BRINP2: variants seen among roughly 807,000 people sequenced by gnomAD.
BRINP2 encodes BMP/retinoic acid inducible neural specific 2, also known as BMP/retinoic acid-inducible neural-specific protein 2.
Under a neutral mutation model 69.2 loss-of-function variants are expected in BRINP2, and 21 were observed. That is an observed-to-expected ratio of 0.30 (90% CI 0.22 to 0.44). The LOEUF (loss-of-function observed/expected upper bound fraction) is 0.44, where lower values mean the gene tolerates loss of function less well. BRINP2 is among the 20% of genes least tolerant of loss of function. BRINP2 has a pLI of 1.00. For synonymous variants in BRINP2, 380 were observed against 394.1 expected, an observed-to-expected ratio of 0.96 and a Z score of 0.42; for missense variants, 877 against 986.0, an observed-to-expected ratio of 0.89 and a Z score of 1.48.
intron 2 of BRINP2, among the ~76,000 whole-genome samples, chr1:177,237,119 A>T (rs562389433): frequency 1.3e-5 from 2 of 152,304 alleles, no homozygotes; most frequent in South Asian, 4.1e-4. Flanking sequence ...CTGTTAGACT[A>T]CTGGTTCAAA....
chr1:177,196,979 A>G (rs1648766167), intron 1 of BRINP2, among the ~76,000 whole-genome samples: 1 of 152,122 alleles, frequency 6.6e-6, no homozygotes, highest in Non-Finnish European at 1.5e-5. Flanking sequence ...CCACATCTCA[A>G]ACGTGACTGT....
intron 2 of BRINP2, among the ~76,000 whole-genome samples, chr1:177,242,644 C>A (rs1020499709): frequency 6.6e-6 from 1 of 152,150 alleles, no homozygotes; most frequent in African/African-American, 2.4e-5. Flanking sequence ...CATATTTTTA[C>A]CATACGAACT....
At chr1:177,213,646 T>C (rs1649290839) in intron 1 of BRINP2, among the ~76,000 whole-genome samples, 1 of 152,218 alleles carries the variant, frequency 6.6e-6, no homozygotes, top group Admixed American at 6.5e-5. Flanking sequence ...GATTTGAACC[T>C]CTATTATCAC....
At chr1:177,212,103 AGATAGAT>A (rs1161857954) in intron 1 of BRINP2, among the ~76,000 whole-genome samples, 3 of 143,696 alleles carry the variant, frequency 2.1e-5, no homozygotes, top group African/African-American at 7.6e-5. Context: ...ATAGATAGAT[AGATAGAT>A]GATAGATAAA....
At position 177,274,228 on chromosome 1, in the gene BRINP2, G is replaced by A. The variant is rs1453641744; in HGVS notation, c.775+635G>A. ...AAAGAAAACCACACTAACCCTGGAG[G>A]CTGAGGGCTAAGGGGAGACGTGCAT... On this transcript the variant is annotated intron_variant, in intron 5 of 7. Coordinates refer to ENST00000361539, the MANE Select transcript of BRINP2 (RefSeq NM_021165.4). Among the ~76,000 whole-genome samples the A allele has an allele frequency of 2.0e-5, 3 of 152,228 alleles. No homozygotes were observed. The South Asian group carries it at 6.2e-4, about 32-fold the overall frequency.
At chr1:177,275,157 T>A (rs1323645074) in intron 5 of BRINP2, 3 of 456,172 alleles carry the variant, frequency 6.6e-6, no homozygotes, top group Non-Finnish European at 1.3e-5. Flanking sequence ...TCCAAAGGCA[T>A]GCCTACCCTT....
chr1:177,248,520 T>TA (rs1162886935), intron 2 of BRINP2, among the ~76,000 whole-genome samples: 1 of 151,538 alleles, frequency 6.6e-6, no homozygotes, highest in Non-Finnish European at 1.5e-5. Context: ...TATTTTTTTT[T>TA]AATACTCTCC....
chr1:177,187,391 C>T (rs12564343), intron 1 of BRINP2, among the ~76,000 whole-genome samples: 20,257 of 152,106 alleles, frequency 0.13, 2,462 homozygotes, highest in African/African-American at 0.32. Context: ...TTGCTCTAGA[C>T]CCAGACCTTT....
chr1:177,277,157 TTA>T (rs143141500), intron 6 of BRINP2, among the ~76,000 whole-genome samples: 6 of 151,594 alleles, frequency 4.0e-5, no homozygotes, highest in South Asian at 2.1e-4. Flanking sequence ...AAAGGTTACA[TTA>T]TATATATATT....
chr1:177,202,725 A>T (rs1648951397), intron 1 of BRINP2, among the ~76,000 whole-genome samples: 1 of 152,198 alleles, frequency 6.6e-6, no homozygotes, highest in Admixed American at 6.5e-5. Context: ...CACATGAAAA[A>T]ATGCTCATCA....
intron 1 of BRINP2, among the ~76,000 whole-genome samples, chr1:177,213,158 T>G (rs1649278056): frequency 6.6e-6 from 1 of 152,182 alleles, no homozygotes; most frequent in East Asian, 1.9e-4. Context: ...TCTAAAGAGT[T>G]GGTCTTACAT....
chr1:177,192,624 A>C (rs893734109), intron 1 of BRINP2, among the ~76,000 whole-genome samples: 1 of 152,170 alleles, frequency 6.6e-6, no homozygotes, highest in African/African-American at 2.4e-5. Context: ...ATGAGTTTCA[A>C]CTTTTATTAC....
rs1353223092 is a variant in BRINP2 at position 177,257,270 on chromosome 1, C to G, written c.555C>G (p.Asn185Lys). 2 of 1,614,090 alleles carry G rather than the reference C, an allele frequency of 1.2e-6. No individual in the cohort carries two copies. Among genetic ancestry groups the G allele is most frequent in the Admixed American group, 1.7e-5 (1 of 60,010 alleles). Residue 185 changes from asparagine to lysine, a missense_variant, in exon 4 of 8, where the codon AAC (asparagine) becomes AAG (lysine). Physicochemically the swap from Asn to Lys is moderately conservative, Grantham distance 94. Transcript: ENST00000361539. ...GGASIIGGSG[N>K]STAVSLETLH... ...CCTCTATAATCGGGGGCAGTGGGAA[C>G]AGCACAGCTGTGTCCCTGGAGACCC... is the stretch of plus-strand genomic sequence containing the variant.
intron 1 of BRINP2, among the ~76,000 whole-genome samples, chr1:177,182,996 G>A (rs1402679262): frequency 6.7e-6 from 1 of 149,572 alleles, no homozygotes; most frequent in East Asian, 2.0e-4. Context: ...TTTTTGCCCT[G>A]TCTCAAACTC....
chr1:177,263,377 A>G (rs1366995519), intron 4 of BRINP2, among the ~76,000 whole-genome samples: 1 of 152,214 alleles, frequency 6.6e-6, no homozygotes. Context: ...GTGGGTGCTA[A>G]GAGTCCAGTG....
At chr1:177,248,444 T>C (rs112501736) in intron 2 of BRINP2, among the ~76,000 whole-genome samples, 4 of 151,166 alleles carry the variant, frequency 2.6e-5, no homozygotes, top group Non-Finnish European at 4.4e-5. Context: ...TTTGTGTGTG[T>C]GTGTGTGTGT....
rs76455872 is a variant in BRINP2 at position 177,173,042 on chromosome 1, G to A, written c.-77+1310G>A. 3.8e-3 allele frequency among the ~76,000 whole-genome samples: 571 copies of A among 151,348 alleles called. 6 individuals carry two copies. The highest frequency in any genetic ancestry group is 0.013 in the African/African-American group (551 of 41,500). On this transcript the variant is annotated intron_variant, in intron 1 of 7. Coordinates refer to ENST00000361539, the MANE Select transcript of BRINP2 (RefSeq NM_021165.4). Reference sequence around the variant, plus strand: ...CAACTAAAGTATACCAAATCCCCCGGGGGGCAGTCTGATGACATCAGGCAA... The same window carrying A: ...CAACTAAAGTATACCAAATCCCCCGAGGGGCAGTCTGATGACATCAGGCAA...
chr1:177,220,477 G>C (rs893127241), intron 1 of BRINP2, among the ~76,000 whole-genome samples: 1 of 152,080 alleles, frequency 6.6e-6, no homozygotes, highest in Admixed American at 6.5e-5. Context: ...CTTTTGCCAT[G>C]TGATGTGCCT....
Position 177,281,166 on chromosome 1 carries a change from G to A in BRINP2, c.1990G>A (p.Glu664Lys). 6.2e-7 allele frequency: 1 copy of A among 1,614,188 alleles called. No individual in the cohort carries two copies. The highest frequency in any genetic ancestry group is 8.5e-7 in the Non-Finnish European group (1 of 1,180,038). The change falls in exon 8 of 8, where the codon GAG (glutamate) becomes AAG (lysine). Residue 664 changes from glutamate (E) to lysine (K), a missense_variant. Glu to Lys is a moderately conservative substitution (Grantham distance 56, BLOSUM62 1). Around this residue, in one of 3 missense-constraint regions of BRINP2, gnomAD observed 225 missense variants for 218.7 expected, o/e 1.03. Transcript: ENST00000361539. ...CAGCTCCAATGAGACAATCTACTAT[G>A]AGCCCCTGGAGATGACTGATCCCTC... ...DDSSNETIYY[E>K]PLEMTDPSKN...
Sources: gnomAD v4.1 joint callset for allele counts (sites outside exome capture counted in the v4.1 genomes callset) on GRCh38, gnomAD v4.1.1 for gene constraint, gnomAD v4.1.1 regional missense constraint, MANE v1.5 for transcripts, NCBI Gene and HGNC (gene_info 2026-07-23, HGNC 2026-07-21) for gene names.